The following MYH11 variants were observed in gnomAD, a reference collection of about 807,000 sequenced individuals.
The protein encoded by MYH11 is myosin heavy chain 11, also known as myosin-11.
MYH11 carries 80 observed loss-of-function variants against 246.6 expected under a neutral mutation model. That is an observed-to-expected ratio of 0.32 (90% CI 0.27 to 0.39). The LOEUF is 0.39. Ranked by LOEUF, MYH11 falls within the 10% of genes least tolerant of loss-of-function variation. The pLI, the probability that MYH11 is intolerant of heterozygous loss-of-function variation, is 1.00. For synonymous variants in MYH11, 1,071 were observed against 1,015.5 expected, an observed-to-expected ratio of 1.05 and a Z score of -1.04; for missense variants, 2,158 against 2,546.8, an observed-to-expected ratio of 0.85 and a Z score of 3.29.
chr16:15,750,122 G>A lies in MYH11; in HGVS notation c.2058+16C>T. 6.2e-7 allele frequency: 1 copy of A among 1,613,984 alleles called. No individual in the cohort carries two copies. The highest frequency in any genetic ancestry group is 8.5e-7 in the Non-Finnish European group (1 of 1,179,940). On this transcript the variant is annotated intron_variant, in intron 16 of 40. Coordinates refer to ENST00000300036, the MANE Select transcript of MYH11 (RefSeq NM_002474.3). The surrounding 1 kb of genome is among the most constrained non-coding windows in gnomAD (Gnocchi z 4.3). ...CTGGCTTCTGGGAGCCCCAGGGTCT[G>A]GGCGGCGGGCCTCACCCTCTTCTCG... is the stretch of plus-strand genomic sequence containing the variant.
At chr16:15,841,092 A>G (rs1367263536) in intron 1 of MYH11, among the ~76,000 whole-genome samples, 4 of 152,172 alleles carry the variant, frequency 2.6e-5, no homozygotes, top group Admixed American at 1.3e-4. Context: ...TAACACCCCA[A>G]AAAGGGTGGA....
Position 15,843,526 on chromosome 16 carries a change from T to TA in MYH11, c.-17-5258dup, listed in dbSNP as rs34718696. Among the ~76,000 whole-genome samples the TA allele has an allele frequency of 3.9e-3, 497 of 127,906 alleles. 4 individuals carry two copies. The highest frequency in any genetic ancestry group is 0.035 in the East Asian group (159 of 4,556). The allele number at this position is 127,906 out of a possible 152,430, so 83.9% of individuals were successfully genotyped here. ...TAACACGGCAAAACCCTGTCTCTAC[T>TA]AAAAAAAAAAAAAAAAATTAGCCGG... On this transcript the variant is annotated intron_variant, in intron 1 of 40. Transcript: ENST00000300036.
Position 15,717,205 on chromosome 16 carries a change from C to T in MYH11, c.5439G>A (p.Lys1813=), listed in dbSNP as rs1050162. 780,938 of 1,613,910 alleles carry T rather than the reference C, an allele frequency of 0.48. 192,183 individuals are homozygous for T. Among genetic ancestry groups the T allele is most frequent in the Middle Eastern group, 0.59 (3,580 of 6,062 alleles). Reference sequence around the variant, plus strand: ...TGGCCTCCAGCGCCGCGATGGTGGACTTGAACTTGGACTTGACGGCCCCCT... The same window carrying T: ...TGGCCTCCAGCGCCGCGATGGTGGATTTGAACTTGGACTTGACGGCCCCCT... The part of the protein sequence containing the change: ...EMEGAVKSKF[K]STIAALEAKI... The change falls in exon 38 of 41, where the codon AAG becomes AAA. Residue 1813 remains lysine (K), a synonymous_variant. Transcript: ENST00000300036.
intron 8 of MYH11, among the ~76,000 whole-genome samples, chr16:15,774,641 G>A (rs1409391536): frequency 6.6e-6 from 1 of 152,202 alleles, no homozygotes; most frequent in African/African-American, 2.4e-5. Context: ...CTAGGCTGGA[G>A]TGCAGTGGTG....
intron 2 of MYH11, among the ~76,000 whole-genome samples, chr16:15,829,012 C>G (rs559375498): frequency 6.6e-6 from 1 of 151,790 alleles, no homozygotes; most frequent in Non-Finnish European, 1.5e-5. Context: ...GGCAAAACCC[C>G]GTCTTTACTA....
chr16:15,746,525 A>C (rs921423128), intron 19 of MYH11, among the ~76,000 whole-genome samples: 1 of 152,150 alleles, frequency 6.6e-6, no homozygotes, highest in Non-Finnish European at 1.5e-5. Flanking sequence ...TCCATGTGTC[A>C]ATGAATGAAC....
At chr16:15,713,080 G>A (rs2039911697) in intron 40 of MYH11, 1 of 151,776 alleles carries the variant, frequency 6.6e-6, no homozygotes, top group Admixed American at 6.6e-5. Flanking sequence ...TGTAGTAAGG[G>A]TAGCAAGGTA....
chr16:15,834,582 C>A (rs1457281675), intron 2 of MYH11, among the ~76,000 whole-genome samples: 3 of 151,548 alleles, frequency 2.0e-5, no homozygotes, highest in African/African-American at 7.3e-5. Flanking sequence ...TACAAACAGC[C>A]CCAGATCAAT....
chr16:15,742,049 G>A (rs2041290352), intron 20 of MYH11, 158 bp from the exon 21 acceptor site: 1 of 1,203,520 alleles, frequency 8.3e-7, no homozygotes, highest in Middle Eastern at 2.3e-4. Context: ...CACAGCTGGG[G>A]TGGGGGGTGC....
chr16:15,757,969 T>A lies in MYH11; in HGVS notation c.1433A>T (p.Tyr478Phe). ...GAGCTGCTGCAGCTTCTCGTTGGTG[T>A]AGTTGATGCACAGCTGCTCGAAGGA... The part of the protein sequence containing the change: ...VNSFEQLCIN[Y>F]TNEKLQQLFN... The change falls in exon 13 of 41, where the codon TAC becomes TTC. Residue 478 changes from tyrosine (Y) to phenylalanine (F), a missense_variant. Tyr to Phe is a conservative substitution (Grantham distance 22). Around this residue, in one of 11 missense-constraint regions of MYH11, gnomAD observed 317 missense variants for 507.7 expected, o/e 0.62. Coordinates refer to ENST00000300036, the MANE Select transcript of MYH11 (RefSeq NM_002474.3). 2.5e-6 allele frequency: 4 copies of A among 1,614,130 alleles called. No individual in the cohort carries two copies. The highest frequency in any genetic ancestry group is 3.4e-6 in the Non-Finnish European group (4 of 1,180,020).
Position 15,705,984 on chromosome 16 carries a change from C to CAAAAAA in MYH11, c.5787-1867_5787-1862dup, listed in dbSNP as rs57451847. The stretch of plus-strand genomic sequence containing the variant: ...TAGGCGACAGGGTGAGACTCCGTCT[C>CAAAAAA]AAAAAAAAAAAAAAAAAAAAATCAA... On this transcript the variant is annotated intron_variant, in intron 40 of 40. Coordinates refer to ENST00000300036, the MANE Select transcript of MYH11 (RefSeq NM_002474.3). Among the ~76,000 whole-genome samples the CAAAAAA allele has an allele frequency of 4.8e-4, 27 of 56,764 alleles. 5 individuals carry two copies. The highest frequency in any genetic ancestry group is 1.3e-3 in the African/African-American group (12 of 8,908). The allele number at this position is 56,764 out of a possible 152,430, so 37.2% of individuals were successfully genotyped here.
At position 15,727,104 on chromosome 16, in the gene MYH11, G is replaced by A. The variant is rs564397282; in HGVS notation, c.3652-50C>T. On this transcript the variant is annotated intron_variant, in intron 27 of 40. Coordinates refer to ENST00000300036, the MANE Select transcript of MYH11 (RefSeq NM_002474.3). ...GATAACAGGGAGGCTGTGGCCGGGA[G>A]AACGTTTCAGGCCCTGCCCTTTCCT... The A allele has an allele frequency of 2.6e-6, 4 of 1,564,142 alleles. No individual in the cohort carries two copies. The African/African-American group carries it at 4.1e-5, about 16-fold the overall frequency.
At chr16:15,824,613 G>A (rs540526907) in intron 2 of MYH11, among the ~76,000 whole-genome samples, 58 of 152,212 alleles carry the variant, frequency 3.8e-4, no homozygotes, top group African/African-American at 1.4e-3. Context: ...AACATTGGAG[G>A]CATAGAAAGC....
At chr16:15,828,905 C>T (rs771853125) in intron 2 of MYH11, among the ~76,000 whole-genome samples, 55 of 150,878 alleles carry the variant, frequency 3.6e-4, no homozygotes, top group South Asian at 1.5e-3. Flanking sequence ...AGGAAGAGGC[C>T]GGGCATGGTG....
chr16:15,750,477 A>C lies in MYH11; in HGVS notation c.1865-146T>G. On this transcript the variant is annotated intron_variant, in intron 15 of 40. Transcript: ENST00000300036. The surrounding 1 kb of genome is among the most constrained non-coding windows in gnomAD (Gnocchi z 4.3). ...GCCTCCTTCGGCAGTCAGGGTTTCC[A>C]AGTATTGTCTATTGGGGAAATCCTG... is the stretch of plus-strand genomic sequence containing the variant. The C allele has an allele frequency of 1.2e-6, 1 of 803,952 alleles. No individual in the cohort carries two copies. The highest frequency in any genetic ancestry group is 2.7e-5 in the East Asian group (1 of 37,344). 49.8% of individuals were successfully genotyped at this position (803,952 alleles called of 1,614,324 possible). A position where few individuals can be genotyped will look rare whatever the true frequency, so the allele number is the denominator to read the frequency against.
chr16:15,721,184 C>T (rs1355756419), intron 32 of MYH11, 133 bp from the exon 33 acceptor site: 6 of 1,050,878 alleles, frequency 5.7e-6, no homozygotes, highest in Non-Finnish European at 7.1e-6. Flanking sequence ...GGCCGGGACT[C>T]AAGATGACCC....
rs769813707 is a variant in MYH11 at position 15,761,196 on chromosome 16, C to T, written c.1130-538G>A. On this transcript the variant is annotated intron_variant, in intron 10 of 40. Transcript: ENST00000300036. ...CGCGATCTCAGCTCACTGCAACCTC[C>T]GCCTTCCGGGTTCAAGCAATTCTCC... Among the ~76,000 whole-genome samples, 4 of 151,836 alleles carry T rather than the reference C, an allele frequency of 2.6e-5. No individual in the cohort carries two copies. The East Asian group carries it at 5.9e-4, about 22-fold the overall frequency.
At chr16:15,713,676 G>A (rs1000508948) in intron 40 of MYH11, 2 of 152,236 alleles carry the variant, frequency 1.3e-5, no homozygotes, top group Admixed American at 6.5e-5. Context: ...TTGTTTGTTT[G>A]TTGTAGAGAT....
chr16:15,757,890 G>A lies in MYH11; in HGVS notation c.1512C>T (p.Ile504=), dbSNP rs149630866. 1.4e-4 allele frequency: 223 copies of A among 1,614,190 alleles called. 1 individual carries two copies. In the Middle Eastern group the frequency reaches 2.0e-3, roughly 14 times the overall value. ...GCCCAAAGTCGATGAAGTTCCACTC[G>A]ATGCCCTCGCGCTGGTACTCCTCCT... The part of the protein sequence containing the change: ...LEQEEYQREG[I]EWNFIDFGLD... The change falls in exon 13 of 41, where the codon ATC becomes ATT. Residue 504 remains isoleucine, a synonymous_variant. Transcript: ENST00000300036.
Sources: gnomAD v4.1 joint callset for allele counts (sites outside exome capture counted in the v4.1 genomes callset) on GRCh38, gnomAD v4.1.1 for gene constraint, gnomAD v4.1.1 regional missense constraint, Gnocchi (gnomAD v3.1) non-coding constraint, MANE v1.5 for transcripts, NCBI Gene and HGNC (gene_info 2026-07-23, HGNC 2026-07-21) for gene names.